Variants in MACROD1 observed in about 807,000 individuals in gnomAD.
The protein encoded by MACROD1 is mono-ADP ribosylhydrolase 1, also known as ADP-ribose glycohydrolase MACROD1.
A neutral mutation model predicts 41.4 loss-of-function variants in MACROD1; 31 were observed. The ratio of observed to expected loss-of-function variants is 0.75; its 90% CI spans 0.56 to 1.01. The LOEUF (loss-of-function observed/expected upper bound fraction) is 1.01, where lower values mean the gene tolerates loss of function less well. Ranked by LOEUF, MACROD1 falls within the 50% of genes least tolerant of loss-of-function variation. The pLI, the probability that MACROD1 is intolerant of heterozygous loss-of-function variation, is 0.00. For missense variants in MACROD1, 473 were observed against 460.0 expected, an observed-to-expected ratio of 1.03 and a Z score of -0.26; for synonymous variants, 252 against 203.4, an observed-to-expected ratio of 1.24 and a Z score of -2.03.
At chr11:64,124,288 G>A (rs1229039925) in intron 3 of MACROD1, among the ~76,000 whole-genome samples, 1 of 152,184 alleles carries the variant, frequency 6.6e-6, no homozygotes, top group Non-Finnish European at 1.5e-5. Flanking sequence ...GCTGCGTCCT[G>A]GACCTGTCTC....
chr11:64,161,724 A>G (rs1945759262), intron 1 of MACROD1, among the ~76,000 whole-genome samples: 1 of 152,234 alleles, frequency 6.6e-6, no homozygotes, highest in Non-Finnish European at 1.5e-5. Context: ...GCTTGAGGCC[A>G]GGAGTTTGAG....
intron 3 of MACROD1, among the ~76,000 whole-genome samples, chr11:64,119,995 T>C (rs1359670495): frequency 6.6e-6 from 1 of 152,098 alleles, no homozygotes; most frequent in East Asian, 1.9e-4. Context: ...AAAGAGGAGA[T>C]GCTGGTCCGA....
intron 3 of MACROD1, among the ~76,000 whole-genome samples, chr11:64,135,299 AG>A (rs1945317363): frequency 6.6e-6 from 1 of 152,188 alleles, no homozygotes. Flanking sequence ...CTAGAATTCC[AG>A]GCCCCCTCCC....
chr11:64,087,433 T>G (rs1029551282), intron 3 of MACROD1, among the ~76,000 whole-genome samples: 11 of 152,110 alleles, frequency 7.2e-5, no homozygotes, highest in Non-Finnish European at 1.6e-4. Context: ...TGCGTCTGCC[T>G]CCCAAGAAAG....
intron 3 of MACROD1, among the ~76,000 whole-genome samples, chr11:64,074,378 T>C (rs545524564): frequency 5.3e-5 from 8 of 152,220 alleles, no homozygotes; most frequent in African/African-American, 1.4e-4. Context: ...ACCTCTGCAG[T>C]TTCTAATAGC....
intron 6 of MACROD1, 28 bp from the exon 7 acceptor site, chr11:63,999,588 G>A: frequency 6.2e-7 from 1 of 1,610,374 alleles, no homozygotes; most frequent in African/African-American, 1.3e-5. Context: ...AGAGGGGGTT[G>A]GAACATTGTC....
intron 3 of MACROD1, among the ~76,000 whole-genome samples, chr11:64,076,189 C>G (rs1195539550): frequency 6.6e-6 from 1 of 152,230 alleles, no homozygotes; most frequent in Non-Finnish European, 1.5e-5. Context: ...CCTTCCCTTG[C>G]TGTGCTCCTG....
chr11:64,118,023 C>G, intron 3 of MACROD1: 2 of 1,613,620 alleles, frequency 1.2e-6, no homozygotes, highest in Non-Finnish European at 1.7e-6. Context: ...GCTGCTGACC[C>G]GGGAGAGGGC....
intron 3 of MACROD1, among the ~76,000 whole-genome samples, chr11:64,057,516 C>T (rs1943811445): frequency 6.6e-6 from 1 of 152,236 alleles, no homozygotes; most frequent in South Asian, 2.1e-4. Flanking sequence ...GCAAGCCCAG[C>T]TCTCCAGGCC....
rs1944017966 is a variant in MACROD1, at chr11:64,067,042, G to T, written c.518-51761C>A. Among the ~76,000 whole-genome samples the T allele has an allele frequency of 6.6e-6, 1 of 152,214 alleles. No homozygotes were observed. Among genetic ancestry groups the T allele is most frequent in the East Asian group, 1.9e-4 (1 of 5,192 alleles). On this transcript the variant is annotated intron_variant, in intron 3 of 10. Transcript: ENST00000255681. The surrounding 1 kb of genome is among the most constrained non-coding windows in gnomAD (Gnocchi z 4.6). Reference sequence around the variant, plus strand: ...TGGGGAGATTGGATGAGGGGCTCAGGGACCCCCCATGCCCAATGTCCTGGC... The same window carrying T: ...TGGGGAGATTGGATGAGGGGCTCAGTGACCCCCCATGCCCAATGTCCTGGC...
At chr11:64,029,048 C>T (rs1943260459) in intron 3 of MACROD1, among the ~76,000 whole-genome samples, 1 of 152,206 alleles carries the variant, frequency 6.6e-6, no homozygotes, top group Non-Finnish European at 1.5e-5. Flanking sequence ...CTCTCCCATC[C>T]CCACCTCCCC....
At chr11:64,035,705 G>GCCCC (rs1565203034) in intron 3 of MACROD1, among the ~76,000 whole-genome samples, 1,000 of 4,684 alleles carry the variant, frequency 0.21, 21 homozygotes, top group African/African-American at 0.32. Flanking sequence ...GCGCAGCGCG[G>GCCCC]CGCCCCCGTC....
intron 3 of MACROD1, chr11:64,118,886 G>A (rs901733670): frequency 6.0e-6 from 1 of 166,914 alleles, no homozygotes; most frequent in Non-Finnish European, 1.5e-5. Flanking sequence ...GCAGAAACAT[G>A]GCATCTTTCA....
In MACROD1 at chr11:64,023,599, T is replaced by C. The variant is rs530591087; in HGVS notation, c.518-8318A>G. Among the ~76,000 whole-genome samples the C allele has an allele frequency of 3.2e-4, 49 of 152,234 alleles. 1 individual carries two copies. The South Asian group carries it at 9.9e-3, about 31-fold the overall frequency. On this transcript the variant is annotated intron_variant, in intron 3 of 10. Coordinates refer to ENST00000255681, the MANE Select transcript of MACROD1 (RefSeq NM_014067.4). Reference sequence around the variant, plus strand: ...GCTAAGCCCCTCACCACGTCTTCTCTGACGAGCCTGGGAGCTGCTCAAAGC... The same window carrying C: ...GCTAAGCCCCTCACCACGTCTTCTCCGACGAGCCTGGGAGCTGCTCAAAGC...
chr11:63,999,992 C>G (rs995243148), intron 5 of MACROD1: 13 of 649,704 alleles, frequency 2.0e-5, no homozygotes, highest in Admixed American at 1.8e-4. Context: ...GAGACCCGAG[C>G]GCGAGTGTGG....
chr11:64,004,765 G>C (rs577858171), intron 4 of MACROD1, among the ~76,000 whole-genome samples: 5 of 152,266 alleles, frequency 3.3e-5, no homozygotes, highest in African/African-American at 1.2e-4. Flanking sequence ...AGAGACTGGT[G>C]GGGGCTGGGA....
intron 3 of MACROD1, among the ~76,000 whole-genome samples, chr11:64,150,901 T>A (rs2282491): frequency 6.6e-6 from 1 of 151,996 alleles, no homozygotes; most frequent in Non-Finnish European, 1.5e-5. Flanking sequence ...GGAAGGCAGG[T>A]GCTGGTTGGG....
At chr11:64,145,466 C>T (rs888057067) in intron 3 of MACROD1, among the ~76,000 whole-genome samples, 3 of 152,108 alleles carry the variant, frequency 2.0e-5, no homozygotes, top group Non-Finnish European at 4.4e-5. Flanking sequence ...GGCCCTGGGC[C>T]CAGGGCTGGA....
intron 3 of MACROD1, chr11:64,117,415 C>A (rs558763991): frequency 1.2e-6 from 2 of 1,612,294 alleles, no homozygotes; most frequent in Non-Finnish European, 1.7e-6. Context: ...GAGACGGGGC[C>A]GCAGGGCGGC....
Sources: gnomAD v4.1 joint callset for allele counts (sites outside exome capture counted in the v4.1 genomes callset) on GRCh38, gnomAD v4.1.1 for gene constraint, Gnocchi (gnomAD v3.1) non-coding constraint, MANE v1.5 for transcripts, NCBI Gene and HGNC (gene_info 2026-07-23, HGNC 2026-07-21) for gene names.